EGFLAM: variants seen among roughly 807,000 people sequenced by gnomAD.
EGFLAM encodes pikachurin.
A neutral mutation model predicts 113.1 loss-of-function variants in EGFLAM; 79 were observed. The observed-to-expected ratio is 0.70, with a 90% CI of 0.58 to 0.84. The LOEUF is 0.84. Among genes scored for constraint, EGFLAM ranks in the 40% least tolerant of loss-of-function variants. EGFLAM has a pLI of 0.00. For missense variants in EGFLAM, 1,265 were observed against 1,291.6 expected, an observed-to-expected ratio of 0.98 and a Z score of 0.32; for synonymous variants, 504 against 487.6, an observed-to-expected ratio of 1.03 and a Z score of -0.44.
intron 17 of EGFLAM, among the ~76,000 whole-genome samples, chr5:38,440,474 G>A (rs1376725456): frequency 2.6e-5 from 4 of 152,094 alleles, no homozygotes; most frequent in African/African-American, 4.8e-5. Context: ...TCTAATATTG[G>A]GGAAAACATT....
intron 1 of EGFLAM, among the ~76,000 whole-genome samples, chr5:38,299,177 G>A (rs1758514666): frequency 6.6e-6 from 1 of 152,166 alleles, no homozygotes; most frequent in Non-Finnish European, 1.5e-5. Context: ...ACCATGTGCT[G>A]CCCCTCGGCT....
At chr5:38,412,302 A>T (rs1404037075) in intron 10 of EGFLAM, among the ~76,000 whole-genome samples, 1 of 152,206 alleles carries the variant, frequency 6.6e-6, no homozygotes, top group Non-Finnish European at 1.5e-5. Context: ...CAGATGAAAG[A>T]TAACTAGACG....
At position 38,261,831 on chromosome 5, in the gene EGFLAM, G is replaced by T. The variant is rs185147107; in HGVS notation, c.97+2980G>T. Among the ~76,000 whole-genome samples the T allele has an allele frequency of 5.5e-3, 830 of 152,282 alleles. 30 individuals carry two copies. The South Asian group carries it at 0.089, about 16-fold the overall frequency. ...GAATCACAGGGTGTGGCCTTATGGG[G>T]TGATGATGAACCACTTGCTTCTCTT... On this transcript the variant is annotated intron_variant, in intron 1 of 21. Transcript: ENST00000322350.
In EGFLAM at chr5:38,465,467, A is replaced by G. The variant is rs188832682; in HGVS notation, c.*1481A>G. Among the ~76,000 whole-genome samples, 47 of 152,352 alleles carry G rather than the reference A, an allele frequency of 3.1e-4. No individual in the cohort carries two copies. The East Asian group carries it at 6.0e-3, about 19-fold the overall frequency. On this transcript the variant is annotated 3_prime_UTR_variant, in exon 22 of 22. Coordinates refer to ENST00000322350, the MANE Select transcript of EGFLAM (RefSeq NM_152403.4). ...TAATGTAATTCTAAAAGATGAATAA[A>G]CTAGAGAGGTTCACTTTGTGCCCCA...
chr5:38,462,370 A>G (rs907663562), intron 20 of EGFLAM, among the ~76,000 whole-genome samples: 3 of 152,090 alleles, frequency 2.0e-5, no homozygotes, highest in Non-Finnish European at 2.9e-5. Context: ...CCTTCAGGAT[A>G]AATTCTCAAC....
At chr5:38,448,213 G>A (rs1742784433) in intron 17 of EGFLAM, 88 bp from the exon 18 acceptor site, 1 of 1,354,452 alleles carries the variant, frequency 7.4e-7, no homozygotes, top group Admixed American at 1.7e-5. Context: ...CCTATTTCCA[G>A]GAGCTGGGTG....
intron 12 of EGFLAM, among the ~76,000 whole-genome samples, chr5:38,418,613 A>G (rs1239938981): frequency 6.6e-6 from 1 of 152,248 alleles, no homozygotes; most frequent in Non-Finnish European, 1.5e-5. Context: ...GAACCAACAC[A>G]GTAATGTAAG....
intron 18 of EGFLAM, among the ~76,000 whole-genome samples, chr5:38,448,635 C>A (rs1742804201): frequency 6.6e-6 from 1 of 152,174 alleles, no homozygotes; most frequent in African/African-American, 2.4e-5. Context: ...TCTTTCTGGT[C>A]AAAGGGCCTG....
intron 6 of EGFLAM, among the ~76,000 whole-genome samples, chr5:38,371,578 T>C (rs926668319): frequency 7.2e-5 from 11 of 151,860 alleles, no homozygotes; most frequent in African/African-American, 2.7e-4. Context: ...TGTTGGGTTA[T>C]ATAGGGAGGC....
chr5:38,420,325 A>C (rs1266091382), intron 12 of EGFLAM, among the ~76,000 whole-genome samples: 3 of 152,274 alleles, frequency 2.0e-5, no homozygotes. Flanking sequence ...AACAGTAAGC[A>C]GCAATGACTG....
At chr5:38,354,254 TA>T (rs1240876416) in intron 5 of EGFLAM, among the ~76,000 whole-genome samples, 21 of 146,660 alleles carry the variant, frequency 1.4e-4, no homozygotes, top group Admixed American at 6.1e-4. Context: ...GGAATATCCC[TA>T]AAAAAAAAAG....
Position 38,427,064 on chromosome 5 carries a change from T to A in EGFLAM, c.1866T>A (p.Thr622=). The A allele has an allele frequency of 6.2e-7, 1 of 1,614,088 alleles. No homozygotes were observed. The highest frequency in any genetic ancestry group is 1.1e-5 in the South Asian group (1 of 91,076). ...FRESLRSYAA[T]PWPLEPQHYL... Reference sequence around the variant, plus strand: ...AGTCTCTGAGATCTTACGCTGCAACTCCCTGGCCACTGGAGCCCCAGCATT... The same window carrying A: ...AGTCTCTGAGATCTTACGCTGCAACACCCTGGCCACTGGAGCCCCAGCATT... Residue 622 remains threonine, a synonymous_variant, in exon 14 of 22, where the codon ACT becomes ACA. Coordinates refer to ENST00000322350, the MANE Select transcript of EGFLAM (RefSeq NM_152403.4).
chr5:38,380,649 A>G (rs1740485935), intron 6 of EGFLAM, among the ~76,000 whole-genome samples: 1 of 152,226 alleles, frequency 6.6e-6, no homozygotes, highest in Non-Finnish European at 1.5e-5. Context: ...GCGTGAATAT[A>G]ACTTCAGATG....
rs763255713 is a variant in EGFLAM, at chr5:38,463,963, A to G, written c.3007A>G (p.Ile1003Val). The change falls in exon 22 of 22, where the codon ATC becomes GTC. Residue 1003 changes from isoleucine (I) to valine (V), a missense_variant. Physicochemically the swap from Ile to Val is conservative, Grantham distance 29. Coordinates refer to ENST00000322350, the MANE Select transcript of EGFLAM (RefSeq NM_152403.4). The part of the protein sequence containing the change: ...LVEDAVDGKN[I>V]NTCGAK ...GGAAGATGCCGTGGATGGGAAAAAC[A>G]TCAACACTTGTGGAGCCAAGTAACA... The G allele has an allele frequency of 6.2e-7, 1 of 1,614,236 alleles. No individual in the cohort carries two copies. Among genetic ancestry groups the G allele is most frequent in the East Asian group, 2.2e-5 (1 of 44,880 alleles).
At chr5:38,436,868 T>C (rs1460113255) in intron 16 of EGFLAM, among the ~76,000 whole-genome samples, 3 of 152,194 alleles carry the variant, frequency 2.0e-5, no homozygotes, top group Non-Finnish European at 4.4e-5. Flanking sequence ...GCTTCTCAGA[T>C]TCAGGACTGG....
intron 20 of EGFLAM, among the ~76,000 whole-genome samples, chr5:38,460,575 G>A (rs938378306): frequency 2.0e-5 from 3 of 152,186 alleles, no homozygotes; most frequent in African/African-American, 7.2e-5. Flanking sequence ...AGCAGACTTG[G>A]CTTTTCCTGT....
chr5:38,320,654 G>A (rs1738715267), intron 1 of EGFLAM, among the ~76,000 whole-genome samples: 1 of 152,078 alleles, frequency 6.6e-6, no homozygotes, highest in South Asian at 2.1e-4. Flanking sequence ...GGTGATGGGA[G>A]GTTGGTGGGT....
At chr5:38,438,172 A>C (rs1438567650) in intron 16 of EGFLAM, 103 bp from the exon 17 acceptor site, 5 of 1,251,668 alleles carry the variant, frequency 4.0e-6, no homozygotes, top group Non-Finnish European at 5.2e-6. Context: ...ATTTTTTTTC[A>C]ATCTCCCTAT....
chr5:38,341,513 G>T (rs1230091689), intron 3 of EGFLAM, among the ~76,000 whole-genome samples: 1 of 152,216 alleles, frequency 6.6e-6, no homozygotes, highest in Non-Finnish European at 1.5e-5. Context: ...TTCAAGGTGA[G>T]ATTTGGGTGG....
Sources: gnomAD v4.1 joint callset for allele counts (sites outside exome capture counted in the v4.1 genomes callset) on GRCh38, gnomAD v4.1.1 for gene constraint, MANE v1.5 for transcripts, NCBI Gene and HGNC (gene_info 2026-07-23, HGNC 2026-07-21) for gene names.